Variants in RSPH10B2 observed in about 807,000 individuals in gnomAD.
RSPH10B2 encodes radial spoke head 10 homolog B2 (Chlamydomonas).
In RSPH10B2, 9 loss-of-function variants were observed where a neutral mutation model predicts 49.0. The ratio of observed to expected loss-of-function variants is 0.18; its 90% confidence interval spans 0.11 to 0.32. The LOEUF is 0.32. Ranked by LOEUF, RSPH10B2 falls within the 10% of genes least tolerant of loss-of-function variation. RSPH10B2 has a pLI of 1.00. For missense variants in RSPH10B2, 95 were observed against 589.9 expected (o/e 0.16, Z 8.69); for synonymous variants, 35 against 210.2 (o/e 0.17, Z 7.21).
Position 6,780,656 on chromosome 7 carries a change from A to G in RSPH10B2, c.1530-153A>G, listed in dbSNP as rs1300464210. ...CACCTTGGCCTCCCAAAATGCTGGGATTATAGGTTTGAGCCACTGACTTTG... is the reference window on the plus strand; with the variant it reads ...CACCTTGGCCTCCCAAAATGCTGGGGTTATAGGTTTGAGCCACTGACTTTG... On this transcript the variant is annotated intron_variant, in intron 11 of 18. Coordinates refer to ENST00000297186, the Ensembl canonical transcript of RSPH10B2. 2.5e-5 allele frequency among the ~76,000 whole-genome samples: 3 copies of G among 117,968 alleles called. 1 individual carries two copies. Among genetic ancestry groups the G allele is most frequent in the Non-Finnish European group, 5.3e-5 (3 of 56,780 alleles). The allele number at this position is 117,968 out of a possible 152,430, so 77.4% of individuals were successfully genotyped here. A position where few individuals can be genotyped will look rare whatever the true frequency, so the allele number is the denominator to read the frequency against.
At chr7:6,785,768 T>C (rs1782138143) in intron 13 of RSPH10B2, among the ~76,000 whole-genome samples, 181 bp from the exon 16 acceptor site, 1 of 151,268 alleles carries the variant, frequency 6.6e-6, no homozygotes, top group Non-Finnish European at 1.5e-5. Flanking sequence ...GAGGTTGCAG[T>C]GAGCTGAGAT....
At chr7:6,782,073 C>G (rs552840237) in intron 13 of RSPH10B2, among the ~76,000 whole-genome samples, 1 of 110,170 alleles carries the variant, frequency 9.1e-6, no homozygotes, top group African/African-American at 3.5e-5. Flanking sequence ...GCCACCACAC[C>G]TGGCTAATTT....
At chr7:6,797,603 GT>G (rs1782642091) in intron 18 of RSPH10B2, among the ~76,000 whole-genome samples, 1 of 152,276 alleles carries the variant, frequency 6.6e-6, no homozygotes. Flanking sequence ...GCACATGCCG[GT>G]AACCCCAGCA....
At chr7:6,793,252 A>C (rs1374431931) in intron 17 of RSPH10B2, among the ~76,000 whole-genome samples, 1 of 109,336 alleles carries the variant, frequency 9.1e-6, no homozygotes, top group Non-Finnish European at 1.8e-5. Context: ...GGGTCTTGCT[A>C]TGTTGCCCAG....
intron 4 of RSPH10B2, among the ~76,000 whole-genome samples, chr7:6,764,861 T>TTC (rs1298941597): frequency 2.7e-5 from 3 of 109,412 alleles, no homozygotes; most frequent in Non-Finnish European, 5.5e-5. Flanking sequence ...GATAGAAAAA[T>TTC]TCTCTCTCAC....
At chr7:6,780,568 G>A (rs150732396) in intron 11 of RSPH10B2, among the ~76,000 whole-genome samples, 15,660 of 109,824 alleles carry the variant, frequency 0.14, 4,438 homozygotes, top group African/African-American at 0.35. Context: ...TATTTTTAGT[G>A]GAGATGGGGT....
At chr7:6,791,296 C>G (rs1461054033) in intron 16 of RSPH10B2, among the ~76,000 whole-genome samples, 1 of 133,810 alleles carries the variant, frequency 7.5e-6, no homozygotes, top group Non-Finnish European at 1.6e-5. Flanking sequence ...GCCACCACGC[C>G]TAGCCGGTAT....
intron 6 of RSPH10B2, among the ~76,000 whole-genome samples, chr7:6,768,216 A>C (rs1204047189): frequency 2.4e-4 from 36 of 152,282 alleles, no homozygotes; most frequent in Non-Finnish European, 1.5e-4. Flanking sequence ...AATAAACCCC[A>C]ACATTTAAAA....
intron 7 of RSPH10B2, among the ~76,000 whole-genome samples, chr7:6,769,799 C>T (rs1319318659): frequency 2.5e-5 from 2 of 80,872 alleles, no homozygotes; most frequent in Non-Finnish European, 5.0e-5. Flanking sequence ...GGGGTTTTGC[C>T]GTGTTTGCCA....
At chr7:6,797,162 C>T (rs1364090009) in intron 18 of RSPH10B2, among the ~76,000 whole-genome samples, 2 of 143,116 alleles carry the variant, frequency 1.4e-5, no homozygotes, top group Middle Eastern at 3.3e-3. Context: ...GCATGCACCA[C>T]CACGCCTGGC....
intron 13 of RSPH10B2, 76 bp downstream of exon 15, chr7:6,781,552 A>C (rs1372231985): frequency 8.1e-7 from 1 of 1,234,398 alleles, no homozygotes; most frequent in Admixed American, 3.3e-5. Flanking sequence ...AGGATATTCC[A>C]GCTGTGATAT....
intron 16 of RSPH10B2, among the ~76,000 whole-genome samples, chr7:6,791,368 G>A (rs1467679401): frequency 7.4e-6 from 1 of 134,278 alleles, no homozygotes; most frequent in African/African-American, 3.1e-5. Flanking sequence ...AAGTTTTGGG[G>A]GTTTTTTTTG....
intron 13 of RSPH10B2, among the ~76,000 whole-genome samples, chr7:6,784,780 A>C (rs1782080521): frequency 8.3e-6 from 1 of 120,992 alleles, no homozygotes; most frequent in Non-Finnish European, 1.6e-5. Flanking sequence ...GTTGGCCAGG[A>C]TGGTCTGGAT....
upstream of RSPH10B2, among the ~76,000 whole-genome samples, chr7:6,755,900 T>G (rs1164564537): frequency 4.9e-5 from 6 of 121,518 alleles, no homozygotes; most frequent in East Asian, 1.1e-3. Flanking sequence ...ATCCTGCCAC[T>G]GCATTCCAAC....
At chr7:6,785,708 C>G (rs1782135267) in intron 13 of RSPH10B2, among the ~76,000 whole-genome samples, 1 of 151,196 alleles carries the variant, frequency 6.6e-6, no homozygotes, top group South Asian at 2.1e-4. Flanking sequence ...TCCTGTAGTC[C>G]CAGCTACTTG....
chr7:6,797,508 T>G (rs1782633998), intron 18 of RSPH10B2, among the ~76,000 whole-genome samples: 2 of 152,186 alleles, frequency 1.3e-5, no homozygotes, highest in Non-Finnish European at 2.9e-5. Flanking sequence ...GGCTGGAGAT[T>G]GAGTTCAATA....
chr7:6,776,928 A>ACACACACACACACACAC (rs773659785), intron 10 of RSPH10B2, among the ~76,000 whole-genome samples: 1 of 115,270 alleles, frequency 8.7e-6, no homozygotes, highest in Admixed American at 9.2e-5. Flanking sequence ...CACACACACA[A>ACACACACACACACACAC]AAGGCAGGGG....
At chr7:6,785,152 T>C (rs1294194769) in intron 13 of RSPH10B2, among the ~76,000 whole-genome samples, 1 of 65,490 alleles carries the variant, frequency 1.5e-5, no homozygotes. Flanking sequence ...CGTGTGTGTG[T>C]GTGTGTGTGT....
At position 6,792,821 on chromosome 7, in the gene RSPH10B2, A is replaced by G. The variant is rs150932403; in HGVS notation, c.2233+824A>G. 1.3e-3 allele frequency among the ~76,000 whole-genome samples: 146 copies of G among 115,318 alleles called. 13 individuals carry two copies. Among genetic ancestry groups the G allele is most frequent in the East Asian group, 7.4e-3 (21 of 2,824 alleles). 75.7% of individuals were successfully genotyped at this position (115,318 alleles called of 152,430 possible). A position where few individuals can be genotyped will look rare whatever the true frequency, so the allele number is the denominator to read the frequency against. On this transcript the variant is annotated intron_variant, in intron 17 of 18. Coordinates refer to ENST00000297186, the Ensembl canonical transcript of RSPH10B2. The stretch of plus-strand genomic sequence containing the variant: ...AGGGTTTTACTTTCTTGCCCAGGCT[A>G]GAGTGCAGTGGTGCCATCATAGCTC...
Sources: gnomAD v4.1 joint callset for allele counts (sites outside exome capture counted in the v4.1 genomes callset) on GRCh38, gnomAD v4.1.1 for gene constraint, MANE v1.5 for transcripts, NCBI Gene and HGNC (gene_info 2026-07-23, HGNC 2026-07-21) for gene names.